The following SNAP29 variants were observed in gnomAD, a reference collection of about 807,000 sequenced individuals.
SNAP29 encodes synaptosomal-associated protein 29.
Under a neutral mutation model 27.9 loss-of-function variants are expected in SNAP29, and 13 were observed. The ratio of observed to expected loss-of-function variants is 0.47; its 90% confidence interval spans 0.30 to 0.74. SNAP29 has a LOEUF of 0.74. Ranked by LOEUF, SNAP29 falls within the 30% of genes least tolerant of loss-of-function variation. SNAP29 has a pLI of 0.06. For missense variants in SNAP29, 368 were observed against 336.5 expected, an observed-to-expected ratio of 1.09 and a Z score of -0.73; for synonymous variants, 119 against 127.1, an observed-to-expected ratio of 0.94 and a Z score of 0.43.
chr22:20,886,900 A>G (rs368751306), intron 4 of SNAP29, among the ~76,000 whole-genome samples: 1 of 151,726 alleles, frequency 6.6e-6, no homozygotes, highest in African/African-American at 2.4e-5. Context: ...GGCATGAGCC[A>G]TTGTACCCGG....
chr22:20,859,412 T>C, intron 1 of SNAP29, 65 bp downstream of exon 1: 3 of 1,175,330 alleles, frequency 2.6e-6, no homozygotes, highest in Non-Finnish European at 3.8e-6. Flanking sequence ...AGACGAGAAA[T>C]GTTTTGCTCA....
intron 2 of SNAP29, among the ~76,000 whole-genome samples, chr22:20,877,355 G>A (rs1195802993): frequency 3.3e-5 from 5 of 152,092 alleles, no homozygotes; most frequent in African/African-American, 9.7e-5. Context: ...TCAGGAGTTC[G>A]AGACCAGCCT....
intron 1 of SNAP29, among the ~76,000 whole-genome samples, chr22:20,868,370 T>A (rs1236948815): frequency 6.6e-6 from 1 of 152,218 alleles, no homozygotes; most frequent in Non-Finnish European, 1.5e-5. Context: ...AGTTCTAAGT[T>A]TATTTCCAGC....
rs368751306 is a variant in SNAP29, at chr22:20,886,900, A to T, written c.620-779A>T. Among the ~76,000 whole-genome samples, 56 of 151,844 alleles carry T rather than the reference A, an allele frequency of 3.7e-4. 1 individual carries two copies. Among genetic ancestry groups the T allele is most frequent in the African/African-American group, 1.3e-3 (55 of 41,476 alleles). ...AGTGCTGGGATTACAGGCATGAGCC[A>T]TTGTACCCGGCCAAAACTACCTTTT... On this transcript the variant is annotated intron_variant, in intron 4 of 4. Transcript: ENST00000215730.
chr22:20,872,055 G>A (rs559593061), intron 2 of SNAP29, among the ~76,000 whole-genome samples: 6 of 152,106 alleles, frequency 3.9e-5, no homozygotes, highest in South Asian at 2.1e-4. Flanking sequence ...TTTACCTACC[G>A]CAACACAAAA....
At chr22:20,874,396 C>T (rs925476304) in intron 2 of SNAP29, among the ~76,000 whole-genome samples, 28 of 121,612 alleles carry the variant, frequency 2.3e-4, no homozygotes, top group Non-Finnish European at 8.5e-5. Context: ...CACACACACA[C>T]GAAAATTAGC....
chr22:20,859,375 C>T (rs753341707), intron 1 of SNAP29, 28 bp downstream of exon 1: 5 of 1,449,190 alleles, frequency 3.5e-6, no homozygotes, highest in Middle Eastern at 1.7e-4. Context: ...CTGGTGTGGA[C>T]TCGCCGGTCT....
intron 2 of SNAP29, chr22:20,871,179 G>A (rs1199888559): frequency 1.3e-5 from 2 of 151,614 alleles, no homozygotes; most frequent in African/African-American, 2.4e-5. Flanking sequence ...AATCCAATTC[G>A]CCCATTGATT....
intron 1 of SNAP29, chr22:20,859,757 G>A (rs554879903): frequency 4.8e-5 from 12 of 247,456 alleles, no homozygotes; most frequent in African/African-American, 2.5e-4. Flanking sequence ...TCCGGAGTGA[G>A]CCAGAAAGAG....
chr22:20,886,372 A>G (rs1261152706), intron 4 of SNAP29, among the ~76,000 whole-genome samples: 1 of 151,980 alleles, frequency 6.6e-6, no homozygotes, highest in African/African-American at 2.4e-5. Flanking sequence ...CAGTGGCACA[A>G]TCTCAGCTCA....
In SNAP29 at chr22:20,859,241, A is replaced by G. The variant is rs780679643; in HGVS notation, c.131A>G (p.Tyr44Cys). ...GPDAPADRQQ[Y>C]LRQEVLRRAE... ...GACGCGCCCGCGGACAGGCAGCAGT[A>G]CTTGCGGCAGGAGGTCCTCCGCAGG... Residue 44 changes from tyrosine (Y) to cysteine (C), a missense_variant, in exon 1 of 5, where the codon TAC becomes TGC. By Grantham distance (194) the Tyr-to-Cys change is radical. Coordinates refer to ENST00000215730, the MANE Select transcript of SNAP29 (RefSeq NM_004782.4). 7.6e-5 allele frequency: 122 copies of G among 1,607,266 alleles called. No individual in the cohort carries two copies. The highest frequency in any genetic ancestry group is 3.5e-4 in the South Asian group (32 of 90,236).
chr22:20,863,260 A>G (rs1928374033), intron 1 of SNAP29, among the ~76,000 whole-genome samples: 1 of 152,136 alleles, frequency 6.6e-6, no homozygotes, highest in Non-Finnish European at 1.5e-5. Flanking sequence ...CCCTCAGTGC[A>G]CAGTGTGGCT....
chr22:20,876,000 A>C (rs1928734950), intron 2 of SNAP29, among the ~76,000 whole-genome samples: 1 of 151,890 alleles, frequency 6.6e-6, no homozygotes, highest in African/African-American at 2.4e-5. Context: ...TCTCTACTAA[A>C]AATACAAAAA....
intron 2 of SNAP29, among the ~76,000 whole-genome samples, chr22:20,871,705 A>T (rs573399971): frequency 2.4e-4 from 37 of 152,026 alleles, no homozygotes; most frequent in African/African-American, 8.4e-4. Flanking sequence ...ACATGGTGAA[A>T]CCCTGTCTCT....
At chr22:20,884,192 G>T (rs1215595305) in intron 4 of SNAP29, among the ~76,000 whole-genome samples, 1 of 152,054 alleles carries the variant, frequency 6.6e-6, no homozygotes, top group African/African-American at 2.4e-5. Context: ...AATTAGCCGG[G>T]CGTGGTGGCA....
At chr22:20,878,628 G>A (rs114651511) in intron 2 of SNAP29, among the ~76,000 whole-genome samples, 3 of 152,126 alleles carry the variant, frequency 2.0e-5, no homozygotes, top group South Asian at 2.1e-4. Context: ...GGCTACTTAG[G>A]GGGTGGGAGA....
intron 2 of SNAP29, among the ~76,000 whole-genome samples, chr22:20,878,168 G>T: frequency 1.3e-5 from 2 of 152,268 alleles, no homozygotes; most frequent in Middle Eastern, 3.4e-3. Flanking sequence ...AGAAAGATGC[G>T]CAGCACCCAT....
chr22:20,868,220 C>A (rs1928505336), intron 1 of SNAP29, among the ~76,000 whole-genome samples: 1 of 152,164 alleles, frequency 6.6e-6, no homozygotes, highest in South Asian at 2.1e-4. Flanking sequence ...TGAAAACTAG[C>A]CCTTGCAAGA....
In SNAP29 at chr22:20,885,449, A is replaced by C. The variant is rs1928989887; in HGVS notation, c.619+1880A>C. Among the ~76,000 whole-genome samples the C allele has an allele frequency of 2.0e-5, 3 of 152,120 alleles. No individual in the cohort carries two copies. In the South Asian group the frequency reaches 6.2e-4, roughly 32 times the overall value. ...CTATGCCCTGGACTCTGTCCTCCAG[A>C]GCCAAAGACTTATCTGAGGCAGAAG... On this transcript the variant is annotated intron_variant, in intron 4 of 4. Transcript: ENST00000215730.
Sources: allele counts gnomAD v4.1 joint callset (sites outside exome capture counted in the v4.1 genomes callset), GRCh38; gene constraint gnomAD v4.1.1; transcripts MANE v1.5; gene names NCBI Gene and HGNC (gene_info 2026-07-23, HGNC 2026-07-21).